The following SLC9C1 variants were observed in gnomAD, a reference collection of about 807,000 sequenced individuals.
SLC9C1 encodes solute carrier family 9 member C1.
SLC9C1 carries 97 observed loss-of-function variants against 140.9 expected under a neutral mutation model. The observed-to-expected ratio is 0.69, with a 90% CI of 0.58 to 0.82. The LOEUF is 0.82. Ranked by LOEUF, SLC9C1 falls within the 40% of genes least tolerant of loss-of-function variation. The pLI is 0.00. For synonymous variants in SLC9C1, 440 were observed against 442.6 expected, an observed-to-expected ratio of 0.99 and a Z score of 0.07; for missense variants, 1,340 against 1,389.3, an observed-to-expected ratio of 0.96 and a Z score of 0.56.
At chr3:112,151,547 A>G (rs2074981465) in intron 28 of SLC9C1, 1 of 525,954 alleles carries the variant, frequency 1.9e-6, no homozygotes, top group African/African-American at 1.9e-5. Context: ...ATCTTCCAAC[A>G]GTACATGGTA....
At chr3:112,276,940 C>T (rs2080230322) in intron 5 of SLC9C1, among the ~76,000 whole-genome samples, 1 of 151,982 alleles carries the variant, frequency 6.6e-6, no homozygotes, top group Non-Finnish European at 1.5e-5. Context: ...TTCTACCTGC[C>T]TCAGATAGCT....
At chr3:112,258,856 T>C (rs894566237) in intron 10 of SLC9C1, among the ~76,000 whole-genome samples, 1 of 151,954 alleles carries the variant, frequency 6.6e-6, no homozygotes, top group Non-Finnish European at 1.5e-5. Flanking sequence ...AAACTTACAA[T>C]CACGGCAGAA....
At chr3:112,244,163 C>T (rs2079213597) in intron 10 of SLC9C1, 87 bp from the exon 11 acceptor site, 4 of 814,566 alleles carry the variant, frequency 4.9e-6, no homozygotes, top group Admixed American at 2.9e-5. Context: ...AAGCTATTTT[C>T]CAATATAAAT....
At chr3:112,170,689 T>C (rs1277885874) in intron 23 of SLC9C1, among the ~76,000 whole-genome samples, 2 of 152,234 alleles carry the variant, frequency 1.3e-5, no homozygotes, top group Non-Finnish European at 2.9e-5. Context: ...ATGCTAAAAG[T>C]GAACAGATCA....
At chr3:112,281,385 G>C (rs1238562292) in intron 2 of SLC9C1, among the ~76,000 whole-genome samples, 1 of 152,146 alleles carries the variant, frequency 6.6e-6, no homozygotes, top group Non-Finnish European at 1.5e-5. Context: ...TGAAACTGGA[G>C]GATATTGGGA....
intron 23 of SLC9C1, among the ~76,000 whole-genome samples, chr3:112,170,935 TG>T (rs1332440013): frequency 6.6e-6 from 1 of 152,194 alleles, no homozygotes; most frequent in East Asian, 1.9e-4. Flanking sequence ...AAATTTCAGC[TG>T]GGCGTGGTGG....
chr3:112,184,534 G>T (rs1458890739), intron 20 of SLC9C1, among the ~76,000 whole-genome samples: 1 of 151,728 alleles, frequency 6.6e-6, no homozygotes, highest in African/African-American at 2.4e-5. Flanking sequence ...TACTCGGAAG[G>T]CTGAGGCAGG....
At chr3:112,279,103 ATAAACAATGT>A (rs1331671599) in intron 3 of SLC9C1, among the ~76,000 whole-genome samples, 81 of 152,312 alleles carry the variant, frequency 5.3e-4, no homozygotes, top group African/African-American at 1.9e-3. Context: ...GCAATAACTA[ATAAACAATGT>A]TTAACATGAG....
intron 3 of SLC9C1, 113 bp downstream of exon 3, chr3:112,280,570 A>G (rs899985884): frequency 1.2e-6 from 1 of 846,106 alleles, no homozygotes; most frequent in Non-Finnish European, 1.8e-6. Flanking sequence ...ACAATCATCT[A>G]TCAACTGGCA....
chr3:112,255,094 A>G (rs901370420), intron 10 of SLC9C1, among the ~76,000 whole-genome samples: 4 of 152,176 alleles, frequency 2.6e-5, no homozygotes, highest in African/African-American at 7.2e-5. Flanking sequence ...CCAAGTTCTT[A>G]GAGACCTACA....
chr3:112,157,037 C>G lies in SLC9C1; in HGVS notation c.3365-1988G>C, dbSNP rs546684768. Among the ~76,000 whole-genome samples, 3 of 152,100 alleles carry G rather than the reference C, an allele frequency of 2.0e-5. No homozygotes were observed. The South Asian group carries it at 6.2e-4, about 32-fold the overall frequency. Reference sequence around the variant, plus strand: ...AGCTTTTTAGCTTGATATAATCCCACTTGTTTATTTTGGCTTTGGTTGTCT... The same window carrying G: ...AGCTTTTTAGCTTGATATAATCCCAGTTGTTTATTTTGGCTTTGGTTGTCT... On this transcript the variant is annotated intron_variant, in intron 26 of 28. Transcript: ENST00000305815.
In SLC9C1 at chr3:112,270,089, G is replaced by A; in HGVS notation, c.614-12C>T. 1.3e-6 allele frequency: 2 copies of A among 1,505,306 alleles called. No homozygotes were observed. Among genetic ancestry groups the A allele is most frequent in the Non-Finnish European group, 1.8e-6 (2 of 1,128,016 alleles). The allele number at this position is 1,505,306 out of a possible 1,614,324, so 93.2% of individuals were successfully genotyped here. On this transcript the variant is annotated splice_polypyrimidine_tract_variant and intron_variant, in intron 6 of 28. Coordinates refer to ENST00000305815, the MANE Select transcript of SLC9C1 (RefSeq NM_183061.3). The stretch of plus-strand genomic sequence containing the variant: ...CACGATCTCTTCAGCTACAAGAAAG[G>A]GGCGTAAATAAGAAATAGTTAATAG...
At chr3:112,282,262 C>G (rs2080378410) in intron 2 of SLC9C1, among the ~76,000 whole-genome samples, 1 of 152,172 alleles carries the variant, frequency 6.6e-6, no homozygotes, top group Non-Finnish European at 1.5e-5. Context: ...GAAGACAAAG[C>G]ACAATTAAAG....
chr3:112,144,216 C>T (rs1282333918), intron 28 of SLC9C1, among the ~76,000 whole-genome samples: 3 of 138,236 alleles, frequency 2.2e-5, no homozygotes, highest in South Asian at 2.4e-4. Context: ...CTCGCACTGT[C>T]GCCCGGGCTG....
chr3:112,282,372 G>T (rs960424965), intron 2 of SLC9C1, among the ~76,000 whole-genome samples: 1 of 137,122 alleles, frequency 7.3e-6, no homozygotes, highest in East Asian at 2.4e-4. Flanking sequence ...AAGGCATTTT[G>T]CTTGTTGACT....
intron 11 of SLC9C1, among the ~76,000 whole-genome samples, chr3:112,241,929 A>G (rs1041650568): frequency 3.9e-5 from 6 of 152,186 alleles, no homozygotes; most frequent in Non-Finnish European, 8.8e-5. Context: ...TCTACCTTTC[A>G]CTATATACAA....
intron 11 of SLC9C1, among the ~76,000 whole-genome samples, chr3:112,242,718 G>T (rs1484518639): frequency 6.6e-6 from 1 of 152,054 alleles, no homozygotes; most frequent in African/African-American, 2.4e-5. Context: ...AACACCTGAG[G>T]TGATGGATAC....
At chr3:112,192,778 A>G (rs1047248839) in intron 20 of SLC9C1, among the ~76,000 whole-genome samples, 3 of 152,210 alleles carry the variant, frequency 2.0e-5, no homozygotes, top group African/African-American at 7.2e-5. Flanking sequence ...GTCCATCTGT[A>G]TTCTCTTGTA....
At chr3:112,237,718 C>G (rs1010233272) in intron 12 of SLC9C1, among the ~76,000 whole-genome samples, 1 of 152,128 alleles carries the variant, frequency 6.6e-6, no homozygotes, top group Non-Finnish European at 1.5e-5. Context: ...GCTTATGAAG[C>G]TTAGTTTGGC....
Sources: allele counts gnomAD v4.1 joint callset (sites outside exome capture counted in the v4.1 genomes callset), GRCh38; gene constraint gnomAD v4.1.1; transcripts MANE v1.5; gene names NCBI Gene and HGNC (gene_info 2026-07-23, HGNC 2026-07-21).